The following AXL variants were observed in gnomAD, a reference collection of about 807,000 sequenced individuals.
The protein encoded by AXL is tyrosine-protein kinase receptor UFO.
AXL carries 52 observed loss-of-function variants against 104.5 expected under a neutral mutation model. The observed-to-expected ratio is 0.50, with a 90% CI of 0.40 to 0.63. AXL has a LOEUF of 0.63. Ranked by LOEUF, AXL falls within the 20% of genes least tolerant of loss-of-function variation. The probability of loss-of-function intolerance (pLI) is 0.00; values close to 1 mark genes in which losing one functional copy is unlikely to be tolerated. For missense variants in AXL, 1,024 were observed against 1,188.5 expected (o/e 0.86, Z 2.04); for synonymous variants, 455 against 473.7 (o/e 0.96, Z 0.51).
Position 41,219,347 on chromosome 19 carries a change from C to T in AXL, c.-46C>T, listed in dbSNP as rs1377839158. 1 of 1,541,374 alleles carries T rather than the reference C, an allele frequency of 6.5e-7. No individual in the cohort carries two copies. Among genetic ancestry groups the T allele is most frequent in the Non-Finnish European group, 8.8e-7 (1 of 1,139,698 alleles). On this transcript the variant is annotated 5_prime_UTR_variant, in exon 1 of 20. Coordinates refer to ENST00000301178, the MANE Select transcript of AXL (RefSeq NM_021913.5). ...GCCGGGGACAGCCCGGCCCTGCCCC[C>T]TCCCCCGCTGGGAGCCCAACAACTT... is the stretch of plus-strand genomic sequence containing the variant.
rs143803887 is a variant in AXL, at chr19:41,248,285, C to T, written c.1538-229C>T. On this transcript the variant is annotated intron_variant, in intron 12 of 19. Coordinates refer to ENST00000301178, the MANE Select transcript of AXL (RefSeq NM_021913.5). ...TGACCCATCAGGGTGCCCACTGGAG[C>T]AAGAGCGTGGCCAGGCTTTACCCCT... Among the ~76,000 whole-genome samples, 623 of 152,340 alleles carry T rather than the reference C, an allele frequency of 4.1e-3. 3 individuals are homozygous for T. The highest frequency in any genetic ancestry group is 6.7e-3 in the Admixed American group (103 of 15,302).
intron 3 of AXL, 29 bp downstream of exon 3, chr19:41,221,275 G>C: frequency 6.3e-7 from 1 of 1,596,904 alleles, no homozygotes; most frequent in Non-Finnish European, 8.6e-7. Flanking sequence ...GGTCCTGAGG[G>C]GTCAGAGGAC....
rs10411373 is a variant in AXL, at chr19:41,219,397, C to T, written c.5C>T (p.Ala2Val). Reference protein sequence around the residue: MAWRCPRMGRVP... With the variant: MVWRCPRMGRVP... ...TCTGAGGAAAGTTTGGCACCCATGG[C>T]GTGGCGGTGCCCCAGGATGGGCAGG... is the stretch of plus-strand genomic sequence containing the variant. Residue 2 changes from alanine to valine, a missense_variant, in exon 1 of 20, where the codon GCG (alanine) becomes GTG (valine). Physicochemically the swap from Ala to Val is moderately conservative, Grantham distance 64. This residue lies in a region of AXL where 124 missense variants were observed against 115.5 expected (regional missense o/e 1.07). Coordinates refer to ENST00000301178, the MANE Select transcript of AXL (RefSeq NM_021913.5). The T allele has an allele frequency of 3.6e-5, 57 of 1,597,258 alleles. No individual in the cohort carries two copies. The highest frequency in any genetic ancestry group is 2.0e-4 in the African/African-American group (15 of 74,734).
Position 41,259,791 on chromosome 19 carries a change from G to A in AXL, c.2572G>A (p.Ala858Thr), listed in dbSNP as rs2034508236. Reference protein sequence around the residue: ...PKDSCSCLTAAEVHPAGRYVL... With the variant: ...PKDSCSCLTATEVHPAGRYVL... ...GGATTCCTGTAGCTGCCTCACTGCG[G>A]CTGAGGTCCATCCTGCTGGACGCTA... is the stretch of plus-strand genomic sequence containing the variant. The change falls in exon 20 of 20, where the codon GCT becomes ACT. Residue 858 changes from alanine (A) to threonine (T), a missense_variant. Around this residue, in one of 5 missense-constraint regions of AXL, gnomAD observed 523 missense variants for 636.0 expected, o/e 0.82. Transcript: ENST00000301178. 1 of 1,614,064 alleles carries A rather than the reference G, an allele frequency of 6.2e-7. No individual in the cohort carries two copies. Among genetic ancestry groups the A allele is most frequent in the Non-Finnish European group, 8.5e-7 (1 of 1,179,998 alleles).
In AXL at chr19:41,248,767, G is replaced by A. The variant is rs2034312770; in HGVS notation, c.1658G>A (p.Gly553Asp). 1.2e-6 allele frequency: 2 copies of A among 1,613,964 alleles called. No individual in the cohort carries two copies. The highest frequency in any genetic ancestry group is 1.7e-6 in the Non-Finnish European group (2 of 1,180,000). ...GEGEFGAVME[G>D]QLNQDDSILK... Reference sequence around the variant, plus strand: ...GGAGAGTTTGGAGCTGTGATGGAAGGCCAGCTCAACCAGGACGACTCCATC... The same window carrying A: ...GGAGAGTTTGGAGCTGTGATGGAAGACCAGCTCAACCAGGACGACTCCATC... The change falls in exon 14 of 20, where the codon GGC becomes GAC. Residue 553 changes from glycine (G) to aspartate (D), a missense_variant. Physicochemically the swap from Gly to Asp is moderately conservative, Grantham distance 94 (BLOSUM62 -1). Around this residue, in one of 5 missense-constraint regions of AXL, gnomAD observed 523 missense variants for 636.0 expected, o/e 0.82. Coordinates refer to ENST00000301178, the MANE Select transcript of AXL (RefSeq NM_021913.5).
chr19:41,252,606 T>C (rs2034384100), intron 15 of AXL, among the ~76,000 whole-genome samples, 163 bp downstream of exon 15: 2 of 152,176 alleles, frequency 1.3e-5, no homozygotes. Flanking sequence ...CAGCTTGGAA[T>C]GTGACCTCTG....
chr19:41,241,556 A>AG (rs933879861), intron 10 of AXL, among the ~76,000 whole-genome samples: 7 of 151,062 alleles, frequency 4.6e-5, no homozygotes, highest in East Asian at 1.9e-4. Flanking sequence ...AAAAAAAAAA[A>AG]AAAGAAAGAA....
At chr19:41,229,959 G>T (rs973380155) in intron 4 of AXL, among the ~76,000 whole-genome samples, 2 of 152,114 alleles carry the variant, frequency 1.3e-5, no homozygotes, top group African/African-American at 2.4e-5. Flanking sequence ...GCATGTTTGT[G>T]TGTCTCCTTG....
At chr19:41,220,536 CG>C in intron 1 of AXL, 99 bp from the exon 2 acceptor site, 8 of 1,020,908 alleles carry the variant, frequency 7.8e-6, no homozygotes, top group Non-Finnish European at 1.1e-5. Flanking sequence ...AAGGGCCTGG[CG>C]GGGTCCTGGC....
chr19:41,220,924 G>A (rs2033779681), intron 2 of AXL, 66 bp downstream of exon 2: 1 of 1,559,194 alleles, frequency 6.4e-7, no homozygotes, highest in Non-Finnish European at 8.7e-7. Flanking sequence ...AGCCCACCTG[G>A]GTGGGAACCC....
intron 17 of AXL, among the ~76,000 whole-genome samples, chr19:41,255,719 G>A (rs1395751632): frequency 3.3e-5 from 5 of 151,648 alleles, no homozygotes; most frequent in African/African-American, 9.7e-5. Context: ...GAAATTACAG[G>A]CTTGAGCCAC....
intron 17 of AXL, among the ~76,000 whole-genome samples, chr19:41,255,827 C>T (rs1172505333): frequency 6.6e-6 from 1 of 152,192 alleles, no homozygotes; most frequent in East Asian, 1.9e-4. Flanking sequence ...TCACTGCAAC[C>T]TCCGCCTACT....
rs71334980 is a variant in AXL at position 41,256,080 on chromosome 19, G to GGGGT, written c.2037-371_2037-370insGGTG. Among the ~76,000 whole-genome samples the GGGGT allele has an allele frequency of 3.3e-5, 5 of 150,618 alleles. No individual in the cohort carries two copies. The East Asian group carries it at 9.7e-4, about 29-fold the overall frequency. ...TCTTAATCTGGGTGCTGGTTACATGGGTGTGTGTGTGTGTGTGTGTGAAAA... is the reference window on the plus strand; with the variant it reads ...TCTTAATCTGGGTGCTGGTTACATGGGGGTGTGTGTGTGTGTGTGTGTGTGAAAA... On this transcript the variant is annotated intron_variant, in intron 17 of 19. Coordinates refer to ENST00000301178, the MANE Select transcript of AXL (RefSeq NM_021913.5).
chr19:41,232,606 C>T (rs867648589), intron 6 of AXL, among the ~76,000 whole-genome samples: 6 of 149,758 alleles, frequency 4.0e-5, no homozygotes, highest in Middle Eastern at 3.2e-3. Context: ...TTGGGTAACA[C>T]GAGCGAACTT....
intron 4 of AXL, among the ~76,000 whole-genome samples, chr19:41,228,735 G>A (rs1267511052): frequency 6.6e-6 from 1 of 152,130 alleles, no homozygotes; most frequent in Non-Finnish European, 1.5e-5. Context: ...TGACACAGCA[G>A]GGGACGAAAC....
At position 41,241,132 on chromosome 19, in the gene AXL, C is replaced by G. The variant is rs575960861; in HGVS notation, c.1312+1412C>G. Among the ~76,000 whole-genome samples, 3 of 152,306 alleles carry G rather than the reference C, an allele frequency of 2.0e-5. No homozygotes were observed. In the East Asian group the frequency reaches 5.8e-4, roughly 29 times the overall value. ...CCTTGCTCACTCCTTGTATCTAAGA[C>G]TTCACGAATACTCTTCCCACTTCAC... On this transcript the variant is annotated intron_variant, in intron 10 of 19. Transcript: ENST00000301178.
chr19:41,230,584 C>T (rs1255999438), intron 4 of AXL, among the ~76,000 whole-genome samples: 1 of 142,968 alleles, frequency 7.0e-6, no homozygotes, highest in African/African-American at 2.6e-5. Flanking sequence ...CTGTGTGTGG[C>T]TGTGTGTGTC....
At chr19:41,231,941 A>C (rs1205266693) in intron 6 of AXL, among the ~76,000 whole-genome samples, 3 of 132,638 alleles carry the variant, frequency 2.3e-5, no homozygotes, top group African/African-American at 1.0e-4. Context: ...AAAAAAAAGA[A>C]ACAACAACAA....
rs1568413087 is a variant in AXL, at chr19:41,238,466, C to A, written c.995-4C>A. ...GCCAGCTTCCCCTCTTCCCTGTCCT[C>A]CAGTGCCCCTGGGCCCCCCTGAGAA... On this transcript the variant is annotated splice_region_variant and splice_polypyrimidine_tract_variant and intron_variant, in intron 7 of 19. Transcript: ENST00000301178. The A allele has an allele frequency of 1.3e-5, 21 of 1,608,408 alleles. No homozygotes were observed. The highest frequency in any genetic ancestry group is 1.7e-5 in the Non-Finnish European group (20 of 1,175,642).
Sources: gnomAD v4.1 joint callset for allele counts (sites outside exome capture counted in the v4.1 genomes callset) on GRCh38, gnomAD v4.1.1 for gene constraint, gnomAD v4.1.1 regional missense constraint, MANE v1.5 for transcripts, NCBI Gene and HGNC (gene_info 2026-07-23, HGNC 2026-07-21) for gene names.